Variants in TMEM131L observed in about 807,000 individuals in gnomAD.
TMEM131L encodes transmembrane protein 131-like.
A neutral mutation model predicts 192.2 loss-of-function variants in TMEM131L; 54 were observed. The observed-to-expected ratio is 0.28, with a 90% confidence interval of 0.23 to 0.35. The LOEUF is 0.35. Among genes scored for constraint, TMEM131L ranks in the 10% least tolerant of loss-of-function variants. TMEM131L has a pLI of 1.00. For synonymous variants in TMEM131L, 701 were observed against 704.9 expected, an observed-to-expected ratio of 0.99 and a Z score of 0.09; for missense variants, 1,888 against 1,972.9, an observed-to-expected ratio of 0.96 and a Z score of 0.82.
intron 3 of TMEM131L, among the ~76,000 whole-genome samples, chr4:153,492,951 C>T (rs1732891198): frequency 6.6e-6 from 1 of 152,000 alleles, no homozygotes; most frequent in East Asian, 1.9e-4. Flanking sequence ...TGAGCCAAGG[C>T]TGGGAGATCA....
chr4:153,544,353 A>T (rs1737013228), intron 3 of TMEM131L, among the ~76,000 whole-genome samples: 1 of 152,094 alleles, frequency 6.6e-6, no homozygotes, highest in South Asian at 2.1e-4. Flanking sequence ...AGCTGAGTAA[A>T]CCCTTAGGAA....
intron 3 of TMEM131L, among the ~76,000 whole-genome samples, chr4:153,485,461 T>G (rs1732265408): frequency 1.3e-5 from 2 of 152,196 alleles, no homozygotes; most frequent in African/African-American, 4.8e-5. Flanking sequence ...ACTGTTGCAT[T>G]TGAAGGTGGA....
rs1016459487 is a variant in TMEM131L, at chr4:153,593,932, G to A, written c.1995+61G>A. The A allele has an allele frequency of 3.2e-5, 34 of 1,060,726 alleles. No individual in the cohort carries two copies. The African/African-American group carries it at 4.5e-4, about 14-fold the overall frequency. The allele number at this position is 1,060,726 out of a possible 1,614,324, so 65.7% of individuals were successfully genotyped here. On this transcript the variant is annotated intron_variant, in intron 19 of 34. Transcript: ENST00000409959. Reference sequence around the variant, plus strand: ...GACAAACTAGACACATGAGCATACGGGCCTCATTGATTTATGTTTAAAATG... The same window carrying A: ...GACAAACTAGACACATGAGCATACGAGCCTCATTGATTTATGTTTAAAATG...
chr4:153,514,200 ATGG>A (rs1734550853), intron 3 of TMEM131L, among the ~76,000 whole-genome samples: 2 of 152,176 alleles, frequency 1.3e-5, no homozygotes, highest in African/African-American at 4.8e-5. Flanking sequence ...AACAAGACTA[ATGG>A]TACCTTTTCT....
chr4:153,467,083 C>T, intron 1 of TMEM131L, 128 bp from the exon 2 acceptor site: 1 of 920,352 alleles, frequency 1.1e-6, no homozygotes, highest in Non-Finnish European at 1.7e-6. Flanking sequence ...CTGGGATGGC[C>T]TCTGTTCCCA....
chr4:153,630,721 C>A (rs1166697450), intron 31 of TMEM131L, among the ~76,000 whole-genome samples: 1 of 152,222 alleles, frequency 6.6e-6, no homozygotes, highest in Non-Finnish European at 1.5e-5. Flanking sequence ...AGTTATCCTT[C>A]CAGGAAGCCT....
At chr4:153,522,501 G>A (rs918961902) in intron 3 of TMEM131L, among the ~76,000 whole-genome samples, 2 of 152,124 alleles carry the variant, frequency 1.3e-5, no homozygotes, top group Admixed American at 6.5e-5. Flanking sequence ...CTCGGTCTGT[G>A]TGGCTCTTCC....
At chr4:153,504,437 G>A (rs1203294149) in intron 3 of TMEM131L, among the ~76,000 whole-genome samples, 2 of 150,632 alleles carry the variant, frequency 1.3e-5, no homozygotes, top group Non-Finnish European at 3.0e-5. Context: ...GCACTACCAC[G>A]CCCGGCTAAT....
intron 3 of TMEM131L, among the ~76,000 whole-genome samples, chr4:153,488,801 C>T (rs1424674680): frequency 2.0e-5 from 3 of 152,222 alleles, no homozygotes; most frequent in Admixed American, 1.3e-4. Context: ...CACGCTGCCT[C>T]TGAAACCCTC....
chr4:153,576,781 G>A (rs942880309), intron 7 of TMEM131L, among the ~76,000 whole-genome samples: 2 of 151,586 alleles, frequency 1.3e-5, no homozygotes, highest in Non-Finnish European at 2.9e-5. Context: ...CACACTGTTA[G>A]GTTTTTATTC....
chr4:153,617,158 G>A (rs548231565), intron 26 of TMEM131L, among the ~76,000 whole-genome samples: 6 of 152,224 alleles, frequency 3.9e-5, no homozygotes, highest in East Asian at 1.9e-4. Context: ...TAAGTCTCAC[G>A]AGATCTGATG....
chr4:153,468,967 C>T (rs1405557062), intron 2 of TMEM131L, among the ~76,000 whole-genome samples: 3 of 152,168 alleles, frequency 2.0e-5, no homozygotes, highest in Non-Finnish European at 4.4e-5. Context: ...GTAGTATATA[C>T]TCTCATTTGT....
intron 7 of TMEM131L, among the ~76,000 whole-genome samples, chr4:153,573,984 T>G (rs945470006): frequency 6.6e-6 from 1 of 152,242 alleles, no homozygotes; most frequent in African/African-American, 2.4e-5. Flanking sequence ...TTTGCATATG[T>G]ATCTCATTTA....
chr4:153,467,086 T>C, intron 1 of TMEM131L, 125 bp from the exon 2 acceptor site: 1 of 939,824 alleles, frequency 1.1e-6, no homozygotes. Context: ...GGATGGCCTC[T>C]GTTCCCAGGA....
chr4:153,588,237 C>G (rs997785730), intron 15 of TMEM131L, among the ~76,000 whole-genome samples: 1 of 146,000 alleles, frequency 6.8e-6, no homozygotes, highest in African/African-American at 2.5e-5. Context: ...ACTGAAGGGC[C>G]TTAGTGTTGA....
chr4:153,480,077 C>T (rs995197853), intron 3 of TMEM131L, among the ~76,000 whole-genome samples: 37 of 152,188 alleles, frequency 2.4e-4, no homozygotes, highest in African/African-American at 8.9e-4. Flanking sequence ...CGGTGGCTCA[C>T]GCGTGTAATC....
At chr4:153,572,257 C>T (rs959552882) in intron 7 of TMEM131L, among the ~76,000 whole-genome samples, 3 of 152,188 alleles carry the variant, frequency 2.0e-5, no homozygotes, top group African/African-American at 7.2e-5. Context: ...TGCTGTAGAA[C>T]ACCAGAACTC....
chr4:153,493,528 T>A (rs1732950162), intron 3 of TMEM131L, among the ~76,000 whole-genome samples: 1 of 151,418 alleles, frequency 6.6e-6, no homozygotes, highest in East Asian at 1.9e-4. Flanking sequence ...GGCATGGCGG[T>A]GCGCACTGGT....
chr4:153,586,193 C>G lies in TMEM131L; in HGVS notation c.1312-16C>G, dbSNP rs1206263550. On this transcript the variant is annotated splice_polypyrimidine_tract_variant and intron_variant, in intron 13 of 34. Transcript: ENST00000409959. The stretch of plus-strand genomic sequence containing the variant: ...GTGTTAGGAAAAGTAATTTCTCTTG[C>G]TTCTTTTCTTTTTAGATTCTGAATT... The G allele has an allele frequency of 4.6e-6, 7 of 1,528,512 alleles. No individual in the cohort carries two copies. The highest frequency in any genetic ancestry group is 2.3e-5 in the Admixed American group (1 of 42,970). 94.7% of individuals were successfully genotyped at this position (1,528,512 alleles called of 1,614,324 possible). A position where few individuals can be genotyped will look rare whatever the true frequency, so the allele number is the denominator to read the frequency against.
Sources: gnomAD v4.1 joint callset for allele counts (sites outside exome capture counted in the v4.1 genomes callset) on GRCh38, gnomAD v4.1.1 for gene constraint, MANE v1.5 for transcripts, NCBI Gene and HGNC (gene_info 2026-07-23, HGNC 2026-07-21) for gene names.